Variants in PRDM5 observed in about 807,000 individuals in gnomAD.
PRDM5 encodes PR/SET domain 5.
Under a neutral mutation model 81.2 loss-of-function variants are expected in PRDM5, and 56 were observed. That is an observed-to-expected ratio of 0.69 (90% CI 0.56 to 0.86). The LOEUF is 0.86. Ranked by LOEUF, PRDM5 falls within the 40% of genes least tolerant of loss-of-function variation. The pLI, the probability that PRDM5 is intolerant of heterozygous loss-of-function variation, is 0.00. For synonymous variants in PRDM5, 267 were observed against 256.4 expected (o/e 1.04, Z -0.39); for missense variants, 697 against 770.1 (o/e 0.91, Z 1.12).
At chr4:120,897,663 A>G (rs1764794444) in intron 2 of PRDM5, among the ~76,000 whole-genome samples, 1 of 152,146 alleles carries the variant, frequency 6.6e-6, no homozygotes, top group Admixed American at 6.5e-5. Context: ...TTCATTTTCA[A>G]TATTTTCTAC....
At chr4:120,908,480 A>G (rs539338409) in intron 1 of PRDM5, among the ~76,000 whole-genome samples, 1 of 152,346 alleles carries the variant, frequency 6.6e-6, no homozygotes, top group Non-Finnish European at 1.5e-5. Flanking sequence ...AAAGATAACC[A>G]CTAAGGCAAT....
chr4:120,750,774 T>A (rs2149141409), intron 14 of PRDM5, among the ~76,000 whole-genome samples: 1 of 151,572 alleles, frequency 6.6e-6, no homozygotes, highest in East Asian at 1.9e-4. Flanking sequence ...AAAAGCAAAC[T>A]CCTGCAACCT....
chr4:120,855,782 A>G (rs918534359), intron 2 of PRDM5, among the ~76,000 whole-genome samples: 2 of 152,230 alleles, frequency 1.3e-5, no homozygotes, highest in Non-Finnish European at 1.5e-5. Flanking sequence ...CTGAAAATCT[A>G]TAACTGTTAC....
At chr4:120,741,421 G>A (rs1003991805) in intron 14 of PRDM5, among the ~76,000 whole-genome samples, 1 of 151,708 alleles carries the variant, frequency 6.6e-6, no homozygotes, top group African/African-American at 2.4e-5. Flanking sequence ...CAGGGGGGAG[G>A]AGCCAAGATG....
chr4:120,804,121 T>A (rs1752547664), intron 8 of PRDM5, among the ~76,000 whole-genome samples: 1 of 152,052 alleles, frequency 6.6e-6, no homozygotes, highest in Non-Finnish European at 1.5e-5. Flanking sequence ...TACATAACGA[T>A]AAAGGGATCA....
intron 2 of PRDM5, among the ~76,000 whole-genome samples, chr4:120,872,058 A>G (rs993651851): frequency 1.3e-5 from 2 of 150,362 alleles, no homozygotes; most frequent in Non-Finnish European, 3.0e-5. Context: ...GGCTGAGAAA[A>G]GAGAATTGCT....
Position 120,743,168 on chromosome 4 carries a change from C to A in PRDM5, c.1623+11385G>T, listed in dbSNP as rs932701768. On this transcript the variant is annotated intron_variant, in intron 14 of 15. Transcript: ENST00000264808. ...GAATTTTCAACCCAGAATTTCATATCCAGCCAAACTAAGCTTCATAAGTGA... is the reference window on the plus strand; with the variant it reads ...GAATTTTCAACCCAGAATTTCATATACAGCCAAACTAAGCTTCATAAGTGA... Among the ~76,000 whole-genome samples the A allele has an allele frequency of 2.0e-3, 301 of 151,866 alleles. 1 individual carries two copies. Among genetic ancestry groups the A allele is most frequent in the African/African-American group, 6.8e-3 (279 of 41,226 alleles).
chr4:120,754,691 T>C (rs1371276277), intron 13 of PRDM5, 53 bp from the exon 14 acceptor site: 1 of 1,220,584 alleles, frequency 8.2e-7, no homozygotes, highest in East Asian at 2.3e-5. Context: ...GCAGAACCAG[T>C]CCTGTGCTAT....
In PRDM5 at chr4:120,863,191, T is replaced by TATATACACAC. The variant is rs1553997193; in HGVS notation, c.178-9652_178-9651insGTGTGTATAT. 3.7e-3 allele frequency among the ~76,000 whole-genome samples: 258 copies of TATATACACAC among 70,258 alleles called. 2 individuals carry two copies. Among genetic ancestry groups the TATATACACAC allele is most frequent in the South Asian group, 9.7e-3 (17 of 1,758 alleles). 46.1% of individuals were successfully genotyped at this position (70,258 alleles called of 152,430 possible). ...AAAAAAAAAAATATATATATATATA[T>TATATACACAC]ACACACACACACACACACACACACA... On this transcript the variant is annotated intron_variant, in intron 2 of 15. Transcript: ENST00000264808.
chr4:120,731,062 G>A (rs1022269302), intron 14 of PRDM5, among the ~76,000 whole-genome samples: 7 of 152,146 alleles, frequency 4.6e-5, no homozygotes, highest in African/African-American at 7.2e-5. Flanking sequence ...GACTAAAACA[G>A]TACTCACCTA....
intron 3 of PRDM5, among the ~76,000 whole-genome samples, chr4:120,833,033 T>C (rs1378246414): frequency 6.6e-6 from 1 of 152,072 alleles, no homozygotes; most frequent in Non-Finnish European, 1.5e-5. Context: ...ATAAGGCTGG[T>C]CCTTTCCCCC....
At chr4:120,786,534 C>T (rs530519185) in intron 10 of PRDM5, among the ~76,000 whole-genome samples, 2 of 152,148 alleles carry the variant, frequency 1.3e-5, no homozygotes, top group South Asian at 2.1e-4. Flanking sequence ...TCCAGATATT[C>T]GGGCAAAAGT....
intron 7 of PRDM5, among the ~76,000 whole-genome samples, chr4:120,813,291 T>G (rs1754086264): frequency 6.6e-6 from 1 of 152,188 alleles, no homozygotes; most frequent in African/African-American, 2.4e-5. Flanking sequence ...TTTAATTGGT[T>G]TATTTCAAAT....
intron 14 of PRDM5, among the ~76,000 whole-genome samples, chr4:120,717,947 T>A (rs1738039927): frequency 1.3e-5 from 2 of 152,178 alleles, no homozygotes; most frequent in African/African-American, 4.8e-5. Flanking sequence ...ATGACCGTGA[T>A]AGCTGACTCT....
chr4:120,835,818 G>A (rs771805795), intron 3 of PRDM5, among the ~76,000 whole-genome samples: 20 of 151,682 alleles, frequency 1.3e-4, no homozygotes, highest in Non-Finnish European at 2.4e-4. Context: ...CTATAAAGGC[G>A]AAAGAAAAAA....
At chr4:120,917,862 A>G (rs1302939507) in intron 1 of PRDM5, among the ~76,000 whole-genome samples, 1 of 152,180 alleles carries the variant, frequency 6.6e-6, no homozygotes, top group Admixed American at 6.5e-5. Flanking sequence ...TAGAGAAAAA[A>G]CATTTTTAAG....
intron 13 of PRDM5, among the ~76,000 whole-genome samples, chr4:120,774,113 C>A (rs1019036903): frequency 6.6e-6 from 1 of 152,114 alleles, no homozygotes; most frequent in Admixed American, 6.5e-5. Flanking sequence ...TTTCCAGAAT[C>A]CTCGATTATT....
At chr4:120,856,989 A>G (rs1198607316) in intron 2 of PRDM5, among the ~76,000 whole-genome samples, 1 of 152,170 alleles carries the variant, frequency 6.6e-6, no homozygotes, top group Admixed American at 6.5e-5. Context: ...ATCGTGTAGT[A>G]AAAACCACCT....
chr4:120,798,201 A>G, intron 10 of PRDM5, 66 bp downstream of exon 10: 1 of 1,281,224 alleles, frequency 7.8e-7, no homozygotes, highest in Non-Finnish European at 1.1e-6. Context: ...AGCTTTATCA[A>G]AAATAAAAAT....
Sources: gnomAD v4.1 joint callset for allele counts (sites outside exome capture counted in the v4.1 genomes callset) on GRCh38, gnomAD v4.1.1 for gene constraint, MANE v1.5 for transcripts, NCBI Gene and HGNC (gene_info 2026-07-23, HGNC 2026-07-21) for gene names.